The following MYH3 variants were observed in gnomAD, a reference collection of about 807,000 sequenced individuals.
MYH3 encodes the protein myosin heavy chain 3.
A neutral mutation model predicts 238.0 loss-of-function variants in MYH3; 130 were observed. The observed-to-expected ratio is 0.55, with a 90% CI of 0.47 to 0.63. MYH3 has a LOEUF of 0.63. Among genes scored for constraint, MYH3 ranks in the 30% least tolerant of loss-of-function variants. The pLI is 0.00. For synonymous variants in MYH3, 880 were observed against 924.1 expected (o/e 0.95, Z 0.86); for missense variants, 1,853 against 2,374.9 (o/e 0.78, Z 4.57).
the MYH3 span, chr17:10,676,521 GTACATCAATTAGTTAACTATTC>G: frequency 6.6e-6 from 1 of 152,142 alleles, no homozygotes; most frequent in Non-Finnish European, 1.5e-5. Flanking sequence ...TTGCTGATGG[GTACATCAATTAGTTAACTATTC>G]TACTTTTTGA....
chr17:10,664,061 TTAAA>T, the MYH3 span, among the ~76,000 whole-genome samples: 27,096 of 114,370 alleles, frequency 0.24, 2,789 homozygotes, highest in Non-Finnish European at 0.25. Context: ...AGACTCCGTC[TTAAA>T]AAAAAAAAAA....
intron 37 of MYH3, 43 bp from the exon 38 acceptor site, chr17:10,630,239 A>T: frequency 6.2e-7 from 1 of 1,612,744 alleles, no homozygotes; most frequent in Non-Finnish European, 8.5e-7. Flanking sequence ...CTGCAGCGTG[A>T]TTGGGAGGCT....
upstream of MYH3, chr17:10,658,848 G>A (rs73284905): frequency 0.19 from 29,307 of 152,294 alleles, 3,071 homozygotes; most frequent in Non-Finnish European, 0.24. Context: ...CGTCCATGTC[G>A]TAAAGGGAGT....
rs1020187856 is a variant in MYH3, at chr17:10,648,954, C to T, written c.643-305G>A. 6.6e-5 allele frequency among the ~76,000 whole-genome samples: 10 copies of T among 152,230 alleles called. No individual in the cohort carries two copies. The South Asian group carries it at 8.3e-4, about 13-fold the overall frequency. On this transcript the variant is annotated intron_variant, in intron 7 of 40. Transcript: ENST00000583535. Reference sequence around the variant, plus strand: ...CCTCCCAAAGTGCTGGGATTACAGGCGTGAGCCACCGAGCCCAGCCTGAGG... The same window carrying T: ...CCTCCCAAAGTGCTGGGATTACAGGTGTGAGCCACCGAGCCCAGCCTGAGG...
rs142808582 is a variant in MYH3, at chr17:10,644,671, C to T, written c.1173G>A (p.Leu391=). ...VADKTAYLMG[L]NSSDLLKALC... is the part of the protein sequence containing the mutation. ...AAGCTTTTAGGAGGTCCGAAGAGTT[C>T]AGGCCCATCAGATAGGCTGTTTTGT... The change falls in exon 13 of 41, where the codon CTG becomes CTA. Residue 391 remains leucine, a synonymous_variant. Transcript: ENST00000583535. 81 of 1,613,858 alleles carry T rather than the reference C, an allele frequency of 5.0e-5. 1 individual carries two copies. The African/African-American group carries it at 1.1e-3, about 21-fold the overall frequency.
intron 36 of MYH3, among the ~76,000 whole-genome samples, chr17:10,631,004 AAC>A (rs1490857153): frequency 1.3e-5 from 2 of 152,184 alleles, no homozygotes; most frequent in Non-Finnish European, 2.9e-5. Flanking sequence ...CAGGCTGGGA[AAC>A]AGTTTCTTCC....
intron 31 of MYH3, 21 bp downstream of exon 31, chr17:10,634,819 A>C (rs778871216): frequency 6.2e-7 from 1 of 1,614,106 alleles, no homozygotes; most frequent in Admixed American, 1.7e-5. Flanking sequence ...GCATTCACCC[A>C]GCACACAGCG....
intron 3 of MYH3, 132 bp from the exon 4 acceptor site, chr17:10,652,695 C>A (rs1354283531): frequency 2.0e-6 from 2 of 989,314 alleles, no homozygotes; most frequent in Non-Finnish European, 2.9e-6. Context: ...GATCTCGGCT[C>A]ACTGCAAGCT....
upstream of MYH3, among the ~76,000 whole-genome samples, chr17:10,659,900 G>A (rs945895925): frequency 6.6e-6 from 1 of 152,206 alleles, no homozygotes; most frequent in Non-Finnish European, 1.5e-5. Flanking sequence ...CAGCACCCAC[G>A]GCAGTCTGGA....
chr17:10,661,114 C>A (rs1376293362), upstream of MYH3, among the ~76,000 whole-genome samples: 2 of 151,480 alleles, frequency 1.3e-5, no homozygotes, highest in South Asian at 2.1e-4. Context: ...GTAGCTGGGA[C>A]TACAGGCATA....
At chr17:10,663,404 T>A in the MYH3 span, among the ~76,000 whole-genome samples, 1 of 152,148 alleles carries the variant, frequency 6.6e-6, no homozygotes, top group Non-Finnish European at 1.5e-5. Flanking sequence ...TAGGGCACTC[T>A]GTGAAGAGGC....
Position 10,630,118 on chromosome 17 carries a change from G to A in MYH3, c.5536C>T (p.Arg1846Trp), listed in dbSNP as rs757418855. The A allele has an allele frequency of 1.9e-5, 31 of 1,613,984 alleles. 1 individual carries two copies. Among genetic ancestry groups the A allele is most frequent in the Admixed American group, 1.8e-4 (11 of 59,990 alleles). Reference protein sequence around the residue: ...ESVKGLRKYERRVKELTYQSE... With the variant: ...ESVKGLRKYEWRVKELTYQSE... ...TGGTACGTCAGCTCCTTGACCCTCC[G>A]CTCATACTTCCTCAGGCCCTTAACA... Residue 1846 changes from arginine (R) to tryptophan (W), a missense_variant, in exon 38 of 41, where the codon CGG (arginine) becomes TGG (tryptophan). By Grantham distance (101) the Arg-to-Trp change is moderately radical. This residue lies in a region of MYH3 where 1,044 missense variants were observed against 1,192.6 expected (regional missense o/e 0.88). Transcript: ENST00000583535.
chr17:10,653,303 C>T (rs1597494062), intron 3 of MYH3, among the ~76,000 whole-genome samples: 2 of 152,106 alleles, frequency 1.3e-5, no homozygotes, highest in Admixed American at 6.5e-5. Context: ...CCCCTGCAGT[C>T]GTGAGGCAGG....
rs1312988299 is a variant in MYH3, at chr17:10,641,182, C to T, written c.2068G>A (p.Val690Ile). ...CCGTTACACCGCAGCTGGTGCAGAA[C>T]AAGGCTGTGTTCCATAGCCCCTGGG... is the stretch of plus-strand genomic sequence containing the variant. ...KTPGAMEHSL[V>I]LHQLRCNGVL... The change falls in exon 19 of 41, where the codon GTT becomes ATT. Residue 690 changes from valine to isoleucine, a missense_variant. Val to Ile is a conservative substitution (Grantham distance 29, BLOSUM62 3). Transcript: ENST00000583535. The T allele has an allele frequency of 2.5e-6, 4 of 1,614,126 alleles. No homozygotes were observed. Among genetic ancestry groups the T allele is most frequent in the Non-Finnish European group, 3.4e-6 (4 of 1,180,022 alleles).
At chr17:10,659,929 A>G (rs982633302), upstream of MYH3, among the ~76,000 whole-genome samples, 2 of 152,214 alleles carry the variant, frequency 1.3e-5, no homozygotes, top group Non-Finnish European at 2.9e-5. Context: ...GAAAAGCTGG[A>G]TATCAGGAAT....
At chr17:10,675,940 G>A in the MYH3 span, 3 of 152,172 alleles carry the variant, frequency 2.0e-5, no homozygotes, top group East Asian at 5.8e-4. Flanking sequence ...TCCCCACAAC[G>A]AACTGCATCA....
chr17:10,647,194 G>C lies in MYH3; in HGVS notation c.886C>G (p.Pro296Ala), dbSNP rs1426589497. The change falls in exon 10 of 41, where the codon CCT (proline) becomes GCT (alanine). Residue 296 changes from proline (P) to alanine (A), a missense_variant. Transcript: ENST00000583535. ...IFYQILSNKK[P>A]ELIELLLITT... ...GTGACTTCCTCACCTATGAGCTCAG[G>C]CTTCTTGTTAGAAAGAATCTGGTAG... 1 of 1,613,938 alleles carries C rather than the reference G, an allele frequency of 6.2e-7. No individual in the cohort carries two copies. Among genetic ancestry groups the C allele is most frequent in the Non-Finnish European group, 8.5e-7 (1 of 1,179,804 alleles).
intron 12 of MYH3, among the ~76,000 whole-genome samples, chr17:10,645,033 C>T (rs1257358649): frequency 3.1e-5 from 4 of 129,548 alleles, no homozygotes; most frequent in Admixed American, 2.5e-4. Context: ...AAGGATTAAT[C>T]GCTTCCATCC....
chr17:10,641,023 C>G, intron 19 of MYH3, 62 bp downstream of exon 19: 1 of 1,279,364 alleles, frequency 7.8e-7, no homozygotes, highest in South Asian at 1.2e-5. Flanking sequence ...ATCTTTCTCC[C>G]TCTCAAATTC....
Sources: gnomAD v4.1 joint callset for allele counts (sites outside exome capture counted in the v4.1 genomes callset) on GRCh38, gnomAD v4.1.1 for gene constraint, gnomAD v4.1.1 regional missense constraint, MANE v1.5 for transcripts, NCBI Gene and HGNC (gene_info 2026-07-23, HGNC 2026-07-21) for gene names.